The following HSD11B1 variants were observed in gnomAD, a reference collection of about 807,000 sequenced individuals.
HSD11B1 encodes 11-beta-hydroxysteroid dehydrogenase 1.
Under a neutral mutation model 22.1 loss-of-function variants are expected in HSD11B1, and 15 were observed. The ratio of observed to expected loss-of-function variants is 0.68; its 90% CI spans 0.45 to 1.04. HSD11B1 has a LOEUF of 1.04. HSD11B1 is among the 50% of genes least tolerant of loss of function. The pLI is 0.00. For synonymous variants in HSD11B1, 122 were observed against 125.2 expected, an observed-to-expected ratio of 0.97 and a Z score of 0.17; for missense variants, 281 against 357.6, an observed-to-expected ratio of 0.79 and a Z score of 1.73.
In HSD11B1 at chr1:209,706,135, C is replaced by T. The variant is rs976398156; in HGVS notation, c.219+194C>T. On this transcript the variant is annotated intron_variant, in intron 2 of 5. Transcript: ENST00000367027. The surrounding 1 kb of genome is among the most constrained non-coding windows in gnomAD (Gnocchi z 4.0). ...AAACCCACAGGAATATAAAAGTATGCATTTAAGCATTCATTCATGTGTGTG... is the reference window on the plus strand; with the variant it reads ...AAACCCACAGGAATATAAAAGTATGTATTTAAGCATTCATTCATGTGTGTG... 6.6e-6 allele frequency among the ~76,000 whole-genome samples: 1 copy of T among 152,140 alleles called. No individual in the cohort carries two copies. Among genetic ancestry groups the T allele is most frequent in the Non-Finnish European group, 1.5e-5 (1 of 68,032 alleles).
At chr1:209,698,212 TAGA>T (rs1558187459) in intron 1 of HSD11B1, among the ~76,000 whole-genome samples, 12 of 142,812 alleles carry the variant, frequency 8.4e-5, no homozygotes, top group Non-Finnish European at 1.7e-4. Flanking sequence ...GATAGATAGA[TAGA>T]TAGGAAGGAC....
chr1:209,728,821 T>C (rs933774093), intron 4 of HSD11B1, among the ~76,000 whole-genome samples: 5 of 152,204 alleles, frequency 3.3e-5, no homozygotes, highest in African/African-American at 1.2e-4. Flanking sequence ...CAATAACTTT[T>C]TGAGACACTC....
intron 1 of HSD11B1, among the ~76,000 whole-genome samples, chr1:209,694,498 T>C (rs1235855701): frequency 2.6e-5 from 4 of 152,224 alleles, no homozygotes; most frequent in South Asian, 4.1e-4. Context: ...TGAAGAGCAG[T>C]ACCTGAATGA....
At chr1:209,694,070 G>C (rs1369790506) in intron 1 of HSD11B1, among the ~76,000 whole-genome samples, 1 of 152,100 alleles carries the variant, frequency 6.6e-6, no homozygotes, top group African/African-American at 2.4e-5. Context: ...CCTCAAACAT[G>C]AGTGTAAGAT....
chr1:209,701,235 T>C (rs1232237948), upstream of HSD11B1, among the ~76,000 whole-genome samples: 1 of 152,162 alleles, frequency 6.6e-6, no homozygotes, highest in Non-Finnish European at 1.5e-5. Context: ...GGACTTACAG[T>C]TCCACATGGC....
chr1:209,711,730 A>G (rs1392183643), intron 4 of HSD11B1, among the ~76,000 whole-genome samples: 1 of 152,162 alleles, frequency 6.6e-6, no homozygotes, highest in Non-Finnish European at 1.5e-5. Context: ...TTATTCTATA[A>G]AATATAATCA....
At chr1:209,727,351 C>T (rs1202672489) in intron 4 of HSD11B1, among the ~76,000 whole-genome samples, 3 of 152,184 alleles carry the variant, frequency 2.0e-5, no homozygotes, top group Non-Finnish European at 2.9e-5. Flanking sequence ...TGTAGTCTTA[C>T]GCTACCAAGT....
chr1:209,705,604 G>A (rs2076852990), intron 1 of HSD11B1, among the ~76,000 whole-genome samples: 1 of 152,172 alleles, frequency 6.6e-6, no homozygotes, highest in Non-Finnish European at 1.5e-5. Flanking sequence ...ACAGTAGGGA[G>A]GCTGTCAGCC....
intron 1 of HSD11B1, among the ~76,000 whole-genome samples, chr1:209,698,234 A>C (rs539827077): frequency 1.3e-5 from 2 of 152,202 alleles, no homozygotes; most frequent in African/African-American, 2.4e-5. Context: ...ACAGACAGAC[A>C]GGCATCCTTA....
chr1:209,732,860 C>T (rs543900525), intron 5 of HSD11B1, among the ~76,000 whole-genome samples: 1 of 150,004 alleles, frequency 6.7e-6, no homozygotes, highest in South Asian at 2.1e-4. Context: ...TTTTTTAATA[C>T]TCTGAATAAT....
chr1:209,719,696 C>T (rs1318054725), intron 4 of HSD11B1, among the ~76,000 whole-genome samples: 1 of 152,166 alleles, frequency 6.6e-6, no homozygotes, highest in Admixed American at 6.5e-5. Context: ...ATGATGGTTT[C>T]CAGCTTCATC....
intron 1 of HSD11B1, among the ~76,000 whole-genome samples, chr1:209,693,757 CAA>C (rs2076774696): frequency 6.6e-6 from 1 of 152,246 alleles, no homozygotes; most frequent in South Asian, 2.1e-4. Context: ...TCCCCCAAAT[CAA>C]AACCCTCTTT....
upstream of HSD11B1, among the ~76,000 whole-genome samples, chr1:209,704,482 T>C (rs2102368219): frequency 6.6e-6 from 1 of 151,950 alleles, no homozygotes; most frequent in Admixed American, 6.5e-5. Flanking sequence ...AGAGTGAGAT[T>C]TGGCTTGAGT....
At chr1:209,692,891 A>C (rs2102354792) in intron 1 of HSD11B1, among the ~76,000 whole-genome samples, 1 of 152,344 alleles carries the variant, frequency 6.6e-6, no homozygotes, top group Non-Finnish European at 1.5e-5. Flanking sequence ...AGTGGAAATC[A>C]GGAGTGTGTG....
At chr1:209,689,480 C>T (rs1047479655) in intron 1 of HSD11B1, among the ~76,000 whole-genome samples, 22 of 152,160 alleles carry the variant, frequency 1.4e-4, no homozygotes, top group Non-Finnish European at 2.9e-5. Context: ...GGATATTTGT[C>T]CCCTCCAAGT....
At chr1:209,723,072 A>G (rs995211199) in intron 4 of HSD11B1, among the ~76,000 whole-genome samples, 4 of 152,074 alleles carry the variant, frequency 2.6e-5, no homozygotes, top group Non-Finnish European at 4.4e-5. Flanking sequence ...GCTAATTACA[A>G]ACATTCTGTC....
rs541461702 is a variant in HSD11B1 at position 209,733,621 on chromosome 1, G to A, written c.662-683G>A. On this transcript the variant is annotated intron_variant, in intron 5 of 5. Transcript: ENST00000367027. ...GCAGGTGTGGAATATAAGGGGGTAC[G>A]GCCTACAATTTTTACAACTTTTCTG... 2.2e-3 allele frequency among the ~76,000 whole-genome samples: 329 copies of A among 152,218 alleles called. 3 individuals carry two copies. The highest frequency in any genetic ancestry group is 4.1e-3 in the South Asian group (20 of 4,824).
Position 209,705,988 on chromosome 1 carries a change from T to G in HSD11B1, c.219+47T>G, listed in dbSNP as rs45473893. 9.3e-6 allele frequency: 15 copies of G among 1,611,570 alleles called. No individual in the cohort carries two copies. In the East Asian group the frequency reaches 3.1e-4, roughly 34 times the overall value. On this transcript the variant is annotated intron_variant, in intron 2 of 5. Transcript: ENST00000367027. ...ATATGTGTACCGTCACATGCTCAGA[T>G]GTGTTCTTATATATGCTCACATATA...
At chr1:209,720,339 A>G (rs112897484) in intron 4 of HSD11B1, among the ~76,000 whole-genome samples, 4 of 152,218 alleles carry the variant, frequency 2.6e-5, no homozygotes, top group African/African-American at 4.8e-5. Flanking sequence ...AACCTGAATC[A>G]AATCATGAGG....
Sources: allele counts gnomAD v4.1 joint callset (sites outside exome capture counted in the v4.1 genomes callset), GRCh38; gene constraint gnomAD v4.1.1; non-coding constraint Gnocchi (gnomAD v3.1); transcripts MANE v1.5; gene names NCBI Gene and HGNC (gene_info 2026-07-23, HGNC 2026-07-21).